RPIA: variants seen among roughly 807,000 people sequenced by gnomAD.
RPIA encodes the protein ribose-5-phosphate isomerase.
Under a neutral mutation model 37.8 loss-of-function variants are expected in RPIA, and 29 were observed. That is an observed-to-expected ratio of 0.77 (90% CI 0.57 to 1.05). The LOEUF is 1.05. RPIA is among the 50% of genes least tolerant of loss of function. The pLI is 0.00. For synonymous variants in RPIA, 167 were observed against 157.0 expected, an observed-to-expected ratio of 1.06 and a Z score of -0.48; for missense variants, 385 against 413.6, an observed-to-expected ratio of 0.93 and a Z score of 0.60.
At chr2:88,704,244 G>A (rs1016587039) in intron 3 of RPIA, among the ~76,000 whole-genome samples, 1 of 152,102 alleles carries the variant, frequency 6.6e-6, no homozygotes, top group Non-Finnish European at 1.5e-5. Context: ...CACTCTGCTG[G>A]TACCAACATA....
At chr2:88,745,646 G>C (rs1464772712) in intron 8 of RPIA, among the ~76,000 whole-genome samples, 3 of 152,176 alleles carry the variant, frequency 2.0e-5, no homozygotes, top group African/African-American at 7.2e-5. Context: ...TGAGAAATCT[G>C]CTGTTAATTT....
intron 3 of RPIA, among the ~76,000 whole-genome samples, chr2:88,715,175 TG>T (rs1314071965): frequency 6.6e-6 from 1 of 152,154 alleles, no homozygotes; most frequent in East Asian, 1.9e-4. Context: ...CCTGAGTAGT[TG>T]GGGGCTGGGG....
At chr2:88,692,423 AAGG>A (rs1676949651) in intron 1 of RPIA, among the ~76,000 whole-genome samples, 1 of 152,058 alleles carries the variant, frequency 6.6e-6, no homozygotes, top group African/African-American at 2.4e-5. Flanking sequence ...ATTTCAGTCG[AAGG>A]AGGTTCTGGG....
chr2:88,700,064 G>C lies in RPIA; in HGVS notation c.402G>C (p.Gln134His), dbSNP rs1672809790. 6.2e-7 allele frequency: 1 copy of C among 1,613,988 alleles called. No individual in the cohort carries two copies. Among genetic ancestry groups the C allele is most frequent in the African/African-American group, 1.3e-5 (1 of 74,924 alleles). The change falls in exon 3 of 9, where the codon CAG (glutamine) becomes CAC (histidine). Residue 134 changes from glutamine to histidine, a missense_variant and splice_region_variant. Gln to His is a conservative substitution (Grantham distance 24). Coordinates refer to ENST00000283646, the MANE Select transcript of RPIA (RefSeq NM_144563.3). ...TCGTCTGTATTCCCACTTCCTTCCA[G>C]GTATGTCCTGCTTTCCATCTGCATC... ...LNLVCIPTSF[Q>H]ARQLILQYGL... is the part of the protein sequence containing the mutation.
At chr2:88,725,839 A>G (rs990093085) in intron 3 of RPIA, among the ~76,000 whole-genome samples, 4 of 152,180 alleles carry the variant, frequency 2.6e-5, no homozygotes, top group Non-Finnish European at 4.4e-5. Context: ...GCGGGGAGGC[A>G]AGTCACAGGT....
intron 8 of RPIA, 100 bp downstream of exon 8, chr2:88,738,176 A>C: frequency 2.3e-6 from 2 of 876,422 alleles, no homozygotes; most frequent in Non-Finnish European, 3.9e-6. Flanking sequence ...GGGCTTTGTA[A>C]GGCTTGGTTG....
intron 3 of RPIA, among the ~76,000 whole-genome samples, chr2:88,716,825 A>ATGT (rs1673041958): frequency 6.6e-6 from 1 of 152,242 alleles, no homozygotes; most frequent in Non-Finnish European, 1.5e-5. Flanking sequence ...ACTGAAAATT[A>ATGT]CTGACAAAAG....
intron 3 of RPIA, among the ~76,000 whole-genome samples, chr2:88,720,233 TA>T (rs1673102730): frequency 6.9e-6 from 1 of 145,962 alleles, no homozygotes; most frequent in Non-Finnish European, 1.5e-5. Flanking sequence ...AACCTTAATT[TA>T]AAAAAAAATT....
At chr2:88,699,733 A>G (rs1672804944) in intron 2 of RPIA, among the ~76,000 whole-genome samples, 1 of 152,184 alleles carries the variant, frequency 6.6e-6, no homozygotes, top group Non-Finnish European at 1.5e-5. Context: ...CATATATACA[A>G]AGTTCTTAGA....
chr2:88,696,970 G>T (rs760296555), intron 1 of RPIA, among the ~76,000 whole-genome samples: 1 of 152,144 alleles, frequency 6.6e-6, no homozygotes, highest in Non-Finnish European at 1.5e-5. Context: ...CATAACAGGA[G>T]AAGTCAACTG....
chr2:88,691,787 G>T lies in RPIA; in HGVS notation c.89G>T (p.Gly30Val), dbSNP rs1316312701. 6.9e-6 allele frequency: 11 copies of T among 1,594,008 alleles called. No individual in the cohort carries two copies. Among genetic ancestry groups the T allele is most frequent in the African/African-American group, 1.3e-5 (1 of 74,840 alleles). The stretch of plus-strand genomic sequence containing the variant: ...GCCGGGGGCGCGGCCTCCGGCGGAG[G>T]AGGGAACAGCTGGGACCTCCCGGGT... The part of the protein sequence containing the change: ...GRAGGAASGG[G>V]GNSWDLPGSH... Residue 30 changes from glycine (G) to valine (V), a missense_variant, in exon 1 of 9, where the codon GGA becomes GTA. By Grantham distance (109) the Gly-to-Val change is moderately radical. Around this residue, in one of 2 missense-constraint regions of RPIA, gnomAD observed 232 missense variants for 203.0 expected, o/e 1.14. Transcript: ENST00000283646.
chr2:88,737,065 T>C (rs1197585308), intron 7 of RPIA, among the ~76,000 whole-genome samples: 1 of 152,168 alleles, frequency 6.6e-6, no homozygotes, highest in East Asian at 1.9e-4. Context: ...GTAACTTCTT[T>C]TCTCCCTCTT....
In RPIA at chr2:88,711,084, A is replaced by G. The variant is rs373800806; in HGVS notation, c.402+11020A>G. Among the ~76,000 whole-genome samples the G allele has an allele frequency of 2.6e-4, 39 of 151,414 alleles. No homozygotes were observed. In the South Asian group the frequency reaches 7.1e-3, roughly 28 times the overall value. ...TACATGTCATGAGGAATCTCCTCTG[A>G]CCCTTCCGCAAGATTCTTTGTCACT... is the stretch of plus-strand genomic sequence containing the variant. On this transcript the variant is annotated intron_variant, in intron 3 of 8. Transcript: ENST00000283646.
intron 8 of RPIA, among the ~76,000 whole-genome samples, chr2:88,739,816 C>T (rs1673361244): frequency 6.6e-6 from 1 of 152,146 alleles, no homozygotes; most frequent in Non-Finnish European, 1.5e-5. Context: ...CGGGGTTTCA[C>T]GATGTTGTCC....
At chr2:88,741,154 C>T (rs1334183597) in intron 8 of RPIA, among the ~76,000 whole-genome samples, 1 of 152,018 alleles carries the variant, frequency 6.6e-6, no homozygotes, top group Non-Finnish European at 1.5e-5. Flanking sequence ...TTTGTTGCAC[C>T]CATTACCCAA....
chr2:88,708,202 C>T (rs1009201372), intron 3 of RPIA, among the ~76,000 whole-genome samples: 1 of 152,202 alleles, frequency 6.6e-6, no homozygotes, highest in African/African-American at 2.4e-5. Context: ...GTCTTGTCTG[C>T]TTTCCATAAT....
chr2:88,719,058 C>T (rs937620491), intron 3 of RPIA, among the ~76,000 whole-genome samples: 1 of 152,058 alleles, frequency 6.6e-6, no homozygotes, highest in African/African-American at 2.4e-5. Context: ...TTCCTTTATT[C>T]TGATGTTACA....
Position 88,736,647 on chromosome 2 carries a change from G to T in RPIA, c.709G>T (p.Val237Phe). 1 of 1,613,868 alleles carries T rather than the reference G, an allele frequency of 6.2e-7. No individual in the cohort carries two copies. The highest frequency in any genetic ancestry group is 8.5e-7 in the Non-Finnish European group (1 of 1,179,794). Residue 237 changes from valine (V) to phenylalanine (F), a missense_variant, in exon 7 of 9, where the codon GTT becomes TTT. Physicochemically the swap from Val to Phe is conservative, Grantham distance 50 (BLOSUM62 -1). Around this residue, in one of 2 missense-constraint regions of RPIA, gnomAD observed 153 missense variants for 210.6 expected, o/e 0.73. Coordinates refer to ENST00000283646, the MANE Select transcript of RPIA (RefSeq NM_144563.3). Reference sequence around the variant, plus strand: ...TGTGAGCCAGAAGTTTGGGGGCGTGGTTGAACTTCGAATGGCTGTCAACAA... The same window carrying T: ...TGTGAGCCAGAAGTTTGGGGGCGTGTTTGAACTTCGAATGGCTGTCAACAA... The part of the protein sequence containing the change: ...RAVSQKFGGV[V>F]ELRMAVNKAG...
intron 2 of RPIA, 74 bp from the exon 3 acceptor site, chr2:88,699,935 C>T (rs750960377): frequency 1.1e-4 from 168 of 1,500,994 alleles, no homozygotes; most frequent in Non-Finnish European, 1.4e-4. Flanking sequence ...CTGTTGGTTT[C>T]GAGCAAACAC....
Sources: allele counts gnomAD v4.1 joint callset (sites outside exome capture counted in the v4.1 genomes callset), GRCh38; gene constraint gnomAD v4.1.1; regional missense constraint gnomAD v4.1.1; transcripts MANE v1.5; gene names NCBI Gene and HGNC (gene_info 2026-07-23, HGNC 2026-07-21).